Variants in COPS3 observed in about 807,000 individuals in gnomAD.
COPS3 encodes the protein COP9 signalosome subunit 3.
Under a neutral mutation model 58.2 loss-of-function variants are expected in COPS3, and 10 were observed. That is an observed-to-expected ratio of 0.17 (90% CI 0.11 to 0.29). COPS3 has a LOEUF of 0.29. Among genes scored for constraint, COPS3 ranks in the 10% least tolerant of loss-of-function variants. The pLI is 1.00. For synonymous variants in COPS3, 187 were observed against 181.7 expected (o/e 1.03, Z -0.24); for missense variants, 333 against 510.1 (o/e 0.65, Z 3.34).
intron 9 of COPS3, among the ~76,000 whole-genome samples, chr17:17,251,564 C>T (rs2047844469): frequency 6.6e-6 from 1 of 152,060 alleles, no homozygotes; most frequent in Non-Finnish European, 1.5e-5. Flanking sequence ...TCCCAAAGTG[C>T]TGAGATTACA....
chr17:17,267,616 C>T (rs1012223956), intron 5 of COPS3, among the ~76,000 whole-genome samples: 17 of 135,514 alleles, frequency 1.3e-4, no homozygotes, highest in Non-Finnish European at 2.4e-4. Flanking sequence ...CCAGCATGGG[C>T]GACAAAGTGA....
Position 17,252,079 on chromosome 17 carries a change from A to AG in COPS3, c.1023+2779dup, listed in dbSNP as rs367931346. On this transcript the variant is annotated intron_variant, in intron 9 of 11. Transcript: ENST00000268717. ...GCAAGACTCCGTCTCAAAAAAAAAAAGTCAGGATGGGAACAACCTTTCTAG... is the reference window on the plus strand; with the variant it reads ...GCAAGACTCCGTCTCAAAAAAAAAAAGGTCAGGATGGGAACAACCTTTCTAG... 2.0e-5 allele frequency among the ~76,000 whole-genome samples: 3 copies of AG among 152,072 alleles called. No individual in the cohort carries two copies. In the East Asian group the frequency reaches 5.8e-4, roughly 29 times the overall value.
chr17:17,260,534 G>A, intron 7 of COPS3, 60 bp from the exon 8 acceptor site: 1 of 1,545,834 alleles, frequency 6.5e-7, no homozygotes, highest in Non-Finnish European at 8.9e-7. Flanking sequence ...CCAGGTGTGG[G>A]GACTCACGCC....
chr17:17,272,863 T>C (rs941756335), intron 2 of COPS3, among the ~76,000 whole-genome samples: 3 of 151,698 alleles, frequency 2.0e-5, no homozygotes, highest in East Asian at 1.9e-4. Flanking sequence ...AATTAAGCCA[T>C]TGCACTCCAG....
At chr17:17,259,643 C>T (rs143409117) in intron 8 of COPS3, among the ~76,000 whole-genome samples, 4,541 of 152,118 alleles carry the variant, frequency 0.03, 96 homozygotes, top group African/African-American at 0.058. Context: ...GTCTGTAATC[C>T]CAGCAGTTTG....
intron 9 of COPS3, among the ~76,000 whole-genome samples, chr17:17,253,558 G>A (rs1001851274): frequency 1.3e-5 from 2 of 152,096 alleles, no homozygotes; most frequent in African/African-American, 2.4e-5. Flanking sequence ...CTAAGTCCTG[G>A]GTGTGTGCTC....
chr17:17,271,228 G>A (rs1203565846), intron 2 of COPS3, among the ~76,000 whole-genome samples: 1 of 152,106 alleles, frequency 6.6e-6, no homozygotes, highest in Non-Finnish European at 1.5e-5. Context: ...CCAGGAGTTT[G>A]AGACCAGTCT....
At chr17:17,249,836 C>T (rs984972725) in intron 9 of COPS3, among the ~76,000 whole-genome samples, 1 of 152,204 alleles carries the variant, frequency 6.6e-6, no homozygotes, top group Non-Finnish European at 1.5e-5. Flanking sequence ...CCATGTTGGC[C>T]AGGCTGGTTT....
chr17:17,281,004 C>T (rs767465479), intron 1 of COPS3, 128 bp downstream of exon 1: 7 of 1,157,024 alleles, frequency 6.0e-6, no homozygotes, highest in Non-Finnish European at 8.5e-6. Context: ...ACGCCGCAAC[C>T]CCAAGCCCGG....
chr17:17,271,840 CTATA>C, intron 2 of COPS3, among the ~76,000 whole-genome samples: 1 of 139,162 alleles, frequency 7.2e-6, no homozygotes, highest in Non-Finnish European at 1.5e-5. Flanking sequence ...CTATATATAT[CTATA>C]TATATATATA....
At chr17:17,277,807 G>T (rs7212888) in intron 1 of COPS3, among the ~76,000 whole-genome samples, 2,982 of 152,214 alleles carry the variant, frequency 0.02, 111 homozygotes, top group African/African-American at 0.068. Flanking sequence ...TGTAATCCCA[G>T]CACTTTGGGA....
At chr17:17,269,315 C>T (rs1043657286) in intron 4 of COPS3, among the ~76,000 whole-genome samples, 6 of 152,156 alleles carry the variant, frequency 3.9e-5, no homozygotes, top group Non-Finnish European at 8.8e-5. Context: ...ATCCCAGCTA[C>T]TTGGGAGGCT....
intron 9 of COPS3, among the ~76,000 whole-genome samples, chr17:17,251,382 C>T (rs932056261): frequency 6.6e-6 from 1 of 152,048 alleles, no homozygotes; most frequent in Non-Finnish European, 1.5e-5. Flanking sequence ...GCAACCTCCG[C>T]CTCCTGGGTT....
intron 9 of COPS3, among the ~76,000 whole-genome samples, chr17:17,253,679 A>G (rs2145194739): frequency 6.6e-6 from 1 of 152,276 alleles, no homozygotes; most frequent in Admixed American, 6.5e-5. Flanking sequence ...AGTTCAGCAA[A>G]CATTGTTCAG....
chr17:17,255,151 A>C, intron 8 of COPS3: 1 of 390,486 alleles, frequency 2.6e-6, no homozygotes. Context: ...AATACAGAAA[A>C]TTAGCTGGTA....
intron 8 of COPS3, among the ~76,000 whole-genome samples, chr17:17,257,571 G>T (rs573651875): frequency 7.2e-5 from 11 of 151,744 alleles, no homozygotes; most frequent in Admixed American, 4.6e-4. Flanking sequence ...GCTGAGGCGG[G>T]CGGATCACGA....
intron 9 of COPS3, among the ~76,000 whole-genome samples, chr17:17,251,598 C>G (rs1429773179): frequency 6.6e-6 from 1 of 151,998 alleles, no homozygotes; most frequent in African/African-American, 2.4e-5. Context: ...GCCTGTCCAA[C>G]TAATTAAAAT....
chr17:17,268,614 A>T (rs1180901256), intron 4 of COPS3, among the ~76,000 whole-genome samples: 1 of 152,096 alleles, frequency 6.6e-6, no homozygotes, highest in Non-Finnish European at 1.5e-5. Flanking sequence ...AGGTCAGGAG[A>T]TCAAGATTAT....
In COPS3 at chr17:17,270,930, A is replaced by G. The variant is rs1266978755; in HGVS notation, c.264T>C (p.Cys88=). The G allele has an allele frequency of 9.3e-6, 15 of 1,613,912 alleles. No individual in the cohort carries two copies. Among genetic ancestry groups the G allele is most frequent in the African/African-American group, 1.3e-5 (1 of 74,876 alleles). ...FSQVQLFIST[C]NGEHIRYATD... is the part of the protein sequence containing the mutation. ...TTGCATATCGAATGTGCTCCCCATT[A>G]CAAGTGCTGATGAAGAGCTGAACCT... The change falls in exon 3 of 12, where the codon TGT becomes TGC. Residue 88 remains cysteine, a synonymous_variant. Transcript: ENST00000268717.
Sources: allele counts gnomAD v4.1 joint callset (sites outside exome capture counted in the v4.1 genomes callset), GRCh38; gene constraint gnomAD v4.1.1; transcripts MANE v1.5; gene names NCBI Gene and HGNC (gene_info 2026-07-23, HGNC 2026-07-21).